The following GPAT4 variants were observed in gnomAD, a reference collection of about 807,000 sequenced individuals.
GPAT4 encodes glycerol-3-phosphate acyltransferase 4, also known as 1-AGP acyltransferase 6.
A neutral mutation model predicts 58.0 loss-of-function variants in GPAT4; 17 were observed. The observed-to-expected ratio is 0.29, with a 90% confidence interval of 0.20 to 0.44. The LOEUF is 0.44. Ranked by LOEUF, GPAT4 falls within the 20% of genes least tolerant of loss-of-function variation. The pLI is 1.00. For synonymous variants in GPAT4, 204 were observed against 210.1 expected (o/e 0.97, Z 0.25); for missense variants, 377 against 574.5 (o/e 0.66, Z 3.51).
At position 41,590,633 on chromosome 8, in the gene GPAT4, G is replaced by C. The variant is rs186326090; in HGVS notation, c.-848-7659G>C. Among the ~76,000 whole-genome samples, 393 of 152,350 alleles carry C rather than the reference G, an allele frequency of 2.6e-3. 3 individuals carry two copies. Among genetic ancestry groups the C allele is most frequent in the Non-Finnish European group, 3.4e-3 (234 of 68,034 alleles). ...GAAATGCTCCTTAGCGCAGTGCTGGGCATGTTGTAAGCACTCAGTCAATGT... is the reference window on the plus strand; with the variant it reads ...GAAATGCTCCTTAGCGCAGTGCTGGCCATGTTGTAAGCACTCAGTCAATGT... On this transcript the variant is annotated intron_variant, in intron 1 of 12. Coordinates refer to ENST00000396987, the MANE Select transcript of GPAT4 (RefSeq NM_178819.4).
At chr8:41,610,842 G>A in intron 5 of GPAT4, 32 bp downstream of exon 5, 1 of 1,571,410 alleles carries the variant, frequency 6.4e-7, no homozygotes. Flanking sequence ...ATGCCTGAAG[G>A]ACAGTTAGTT....
rs62509798 is a variant in GPAT4 at position 41,582,672 on chromosome 8, A to T, written c.-849+4394A>T. ...ATTCCACAAGGGGAGGGAGAGAGAG[A>T]GAGTGTGTGTGTGTGTGTGTGTGGG... On this transcript the variant is annotated intron_variant, in intron 1 of 12. Coordinates refer to ENST00000396987, the MANE Select transcript of GPAT4 (RefSeq NM_178819.4). Among the ~76,000 whole-genome samples, 45 of 106,580 alleles carry T rather than the reference A, an allele frequency of 4.2e-4. 1 individual carries two copies. The highest frequency in any genetic ancestry group is 2.0e-3 in the Admixed American group (21 of 10,714). The allele number at this position is 106,580 out of a possible 152,430, so 69.9% of individuals were successfully genotyped here. A position where few individuals can be genotyped will look rare whatever the true frequency, so the allele number is the denominator to read the frequency against.
rs768860466 is a variant in GPAT4, at chr8:41,609,704, T to C, written c.285T>C (p.Ile95=). 2 of 1,613,912 alleles carry C rather than the reference T, an allele frequency of 1.2e-6. No individual in the cohort carries two copies. The change falls in exon 4 of 13, where the codon ATT becomes ATC. Residue 95 remains isoleucine (I), a synonymous_variant. Coordinates refer to ENST00000396987, the MANE Select transcript of GPAT4 (RefSeq NM_178819.4). The part of the protein sequence containing the change: ...PTSLEEEIKE[I]RRSGSSKALD... ...CACTAGAAGAAGAGATCAAAGAGAT[T>C]CGTCGAAGTGGTAGTAGTAAGGCTC... is the stretch of plus-strand genomic sequence containing the variant.
At chr8:41,609,560 C>G in intron 3 of GPAT4, 75 bp downstream of exon 3, 1 of 1,600,810 alleles carries the variant, frequency 6.2e-7, no homozygotes, top group Non-Finnish European at 8.6e-7. Context: ...GTGCCACACA[C>G]GCTCTTCCCT....
In GPAT4 at chr8:41,609,709, G is replaced by A. The variant is rs781072925; in HGVS notation, c.290G>A (p.Arg97Gln). 85 of 1,613,920 alleles carry A rather than the reference G, an allele frequency of 5.3e-5. 1 individual carries two copies. Among genetic ancestry groups the A allele is most frequent in the South Asian group, 3.4e-4 (31 of 91,076 alleles). Residue 97 changes from arginine to glutamine, a missense_variant, in exon 4 of 13, where the codon CGA becomes CAA. Physicochemically the swap from Arg to Gln is conservative, Grantham distance 43. Coordinates refer to ENST00000396987, the MANE Select transcript of GPAT4 (RefSeq NM_178819.4). ...GAAGAAGAGATCAAAGAGATTCGTC[G>A]AAGTGGTAGTAGTAAGGCTCTGGAC... is the stretch of plus-strand genomic sequence containing the variant. The part of the protein sequence containing the change: ...SLEEEIKEIR[R>Q]SGSSKALDNT...
Position 41,611,966 on chromosome 8 carries a change from G to C in GPAT4, c.675G>C (p.Leu225=). The stretch of plus-strand genomic sequence containing the variant: ...GTTACCGGATCTGCGTGCGAGCGCT[G>C]ACAGCCATCATCACCTACCATGACA... ...LMCYRICVRA[L]TAIITYHDRE... is the part of the protein sequence containing the mutation. The change falls in exon 6 of 13, where the codon CTG becomes CTC. Residue 225 remains leucine, a synonymous_variant. Coordinates refer to ENST00000396987, the MANE Select transcript of GPAT4 (RefSeq NM_178819.4). 1 of 1,614,176 alleles carries C rather than the reference G, an allele frequency of 6.2e-7. No individual in the cohort carries two copies. The highest frequency in any genetic ancestry group is 8.5e-7 in the Non-Finnish European group (1 of 1,180,028).
intron 10 of GPAT4, among the ~76,000 whole-genome samples, chr8:41,616,028 G>C (rs1464745348): frequency 6.6e-6 from 1 of 152,200 alleles, no homozygotes; most frequent in African/African-American, 2.4e-5. Context: ...ACTCACCAGA[G>C]CCTGAGGATG....
At chr8:41,618,249 A>G (rs1465643786) in intron 10 of GPAT4, among the ~76,000 whole-genome samples, 1 of 152,236 alleles carries the variant, frequency 6.6e-6, no homozygotes, top group African/African-American at 2.4e-5. Context: ...GGGGAGGTAC[A>G]CTAGATGAAT....
intron 1 of GPAT4, among the ~76,000 whole-genome samples, chr8:41,597,132 C>T (rs1802956856): frequency 6.6e-6 from 1 of 152,204 alleles, no homozygotes; most frequent in African/African-American, 2.4e-5. Flanking sequence ...GGCTATCTGC[C>T]TGTGGATTCC....
chr8:41,608,366 C>T (rs970756804), intron 2 of GPAT4, among the ~76,000 whole-genome samples: 2 of 152,244 alleles, frequency 1.3e-5, no homozygotes, highest in Non-Finnish European at 1.5e-5. Context: ...TGTGCATAAC[C>T]GTGGAAGCCG....
At chr8:41,614,724 C>G (rs1264263515) in intron 9 of GPAT4, among the ~76,000 whole-genome samples, 1 of 152,222 alleles carries the variant, frequency 6.6e-6, no homozygotes, top group Non-Finnish European at 1.5e-5. Flanking sequence ...CTGCGCGTCT[C>G]TGCTTTATCT....
At chr8:41,596,988 C>T (rs930097654) in intron 1 of GPAT4, among the ~76,000 whole-genome samples, 3 of 152,082 alleles carry the variant, frequency 2.0e-5, no homozygotes, top group Non-Finnish European at 2.9e-5. Context: ...CTGCATGCAC[C>T]GGTAATCAGA....
At position 41,624,558 on chromosome 8, in the gene GPAT4, C is replaced by T. The variant is rs1803857081; in HGVS notation, c.*3557C>T. On this transcript the variant is annotated 3_prime_UTR_variant, in exon 13 of 13. Transcript: ENST00000396987. ...TGGCCAGACTCGGCTTCTCCAGGTG[C>T]ACTTGTCCCAGGTGGCCCGGTCCGT... 1 of 152,216 alleles carries T rather than the reference C, an allele frequency of 6.6e-6. No individual in the cohort carries two copies. The highest frequency in any genetic ancestry group is 1.5e-5 in the Non-Finnish European group (1 of 68,070). The allele number at this position is 152,216 out of a possible 1,614,324, so 9.4% of individuals were successfully genotyped here.
At chr8:41,600,036 C>CTTTTTTTTT (rs758905649) in intron 2 of GPAT4, among the ~76,000 whole-genome samples, 1,168 of 100,176 alleles carry the variant, frequency 0.012, 96 homozygotes, top group South Asian at 0.019. Context: ...TTTTTCTTTT[C>CTTTTTTTTT]TTTTTTTTTT....
At position 41,623,081 on chromosome 8, in the gene GPAT4, C is replaced by T. The variant is rs1215942417; in HGVS notation, c.*2080C>T. Reference sequence around the variant, plus strand: ...TCACATTCAGCACAGCTGTCTGCGGCCCCTGCCGGCAGGTGTGGCCGCACC... The same window carrying T: ...TCACATTCAGCACAGCTGTCTGCGGTCCCTGCCGGCAGGTGTGGCCGCACC... On this transcript the variant is annotated 3_prime_UTR_variant, in exon 13 of 13. Transcript: ENST00000396987. 5 of 152,212 alleles carry T rather than the reference C, an allele frequency of 3.3e-5. No homozygotes were observed. In the East Asian group the frequency reaches 9.6e-4, roughly 29 times the overall value. The allele number at this position is 152,212 out of a possible 1,614,324, so 9.4% of individuals were successfully genotyped here. A position where few individuals can be genotyped will look rare whatever the true frequency, so the allele number is the denominator to read the frequency against.
At chr8:41,615,795 G>C (rs1332030009) in intron 10 of GPAT4, among the ~76,000 whole-genome samples, 29 of 152,318 alleles carry the variant, frequency 1.9e-4, no homozygotes. Context: ...ATATGAGTCA[G>C]GCTCACACTT....
intron 1 of GPAT4, among the ~76,000 whole-genome samples, chr8:41,594,645 A>G (rs1417144467): frequency 6.8e-6 from 1 of 147,782 alleles, no homozygotes; most frequent in Non-Finnish European, 1.5e-5. Flanking sequence ...TCCCGGGTTC[A>G]CGCCATTCTC....
chr8:41,618,241 G>C (rs1209915650), intron 10 of GPAT4, among the ~76,000 whole-genome samples: 1 of 152,180 alleles, frequency 6.6e-6, no homozygotes, highest in African/African-American at 2.4e-5. Flanking sequence ...TTTATTTGGG[G>C]GAGGTACACT....
At chr8:41,600,977 G>A (rs1018944963) in intron 2 of GPAT4, among the ~76,000 whole-genome samples, 19 of 152,038 alleles carry the variant, frequency 1.2e-4, no homozygotes, top group African/African-American at 4.1e-4. Flanking sequence ...ATATTTTACT[G>A]TATGTCTCTA....
Sources: gnomAD v4.1 joint callset for allele counts (sites outside exome capture counted in the v4.1 genomes callset) on GRCh38, gnomAD v4.1.1 for gene constraint, MANE v1.5 for transcripts, NCBI Gene and HGNC (gene_info 2026-07-23, HGNC 2026-07-21) for gene names.